Variants in TMPRSS11A observed in about 807,000 individuals in gnomAD.
The protein encoded by TMPRSS11A is transmembrane protease serine 11A.
TMPRSS11A carries 53 observed loss-of-function variants against 58.9 expected under a neutral mutation model. The observed-to-expected ratio is 0.90, with a 90% CI of 0.72 to 1.13. The LOEUF (loss-of-function observed/expected upper bound fraction) is 1.13, where lower values mean the gene tolerates loss of function less well. TMPRSS11A is among the 50% of genes most tolerant of loss of function. The probability of loss-of-function intolerance (pLI) is 0.00; values close to 1 mark genes in which losing one functional copy is unlikely to be tolerated. For missense variants in TMPRSS11A, 493 were observed against 499.3 expected (o/e 0.99, Z 0.12); for synonymous variants, 167 against 169.8 (o/e 0.98, Z 0.13).
chr4:67,917,662 G>A (rs77726713), intron 8 of TMPRSS11A, among the ~76,000 whole-genome samples: 2,888 of 152,216 alleles, frequency 0.019, 87 homozygotes, highest in African/African-American at 0.063. Context: ...CAAGTAGGGT[G>A]GAGTGCTCTA....
At chr4:67,922,988 A>G (rs1308488896) in intron 6 of TMPRSS11A, 62 bp from the exon 7 acceptor site, 1 of 1,553,690 alleles carries the variant, frequency 6.4e-7, no homozygotes, top group Non-Finnish European at 8.8e-7. Flanking sequence ...AAATGACCCC[A>G]TTCTTACTTG....
intron 7 of TMPRSS11A, among the ~76,000 whole-genome samples, chr4:67,922,087 T>C (rs1306459383): frequency 3.3e-5 from 5 of 152,230 alleles, no homozygotes; most frequent in Admixed American, 2.6e-4. Context: ...TTCAGCTTTG[T>C]CTTTTGTGTC....
Position 67,910,051 on chromosome 4 carries a change from T to C in TMPRSS11A, c.*1291A>G, listed in dbSNP as rs942418592. 4 of 152,044 alleles carry C rather than the reference T, an allele frequency of 2.6e-5. No individual in the cohort carries two copies. The highest frequency in any genetic ancestry group is 4.4e-5 in the Non-Finnish European group (3 of 67,934). 9.4% of individuals were successfully genotyped at this position (152,044 alleles called of 1,614,324 possible). On this transcript the variant is annotated 3_prime_UTR_variant, in exon 10 of 10. Coordinates refer to ENST00000508048, the MANE Select transcript of TMPRSS11A (RefSeq NM_001114387.2). ...AAATGACTCCCCAGCCTGCAGACCATAATATTTCACAGGCATTGCCAAGCA... is the reference window on the plus strand; with the variant it reads ...AAATGACTCCCCAGCCTGCAGACCACAATATTTCACAGGCATTGCCAAGCA...
chr4:67,957,986 A>G (rs1260322438), intron 1 of TMPRSS11A, among the ~76,000 whole-genome samples: 1 of 152,208 alleles, frequency 6.6e-6, no homozygotes, highest in Non-Finnish European at 1.5e-5. Context: ...AAGCCTTAGC[A>G]GCTTCCATGT....
intron 5 of TMPRSS11A, among the ~76,000 whole-genome samples, chr4:67,928,235 G>A (rs1720523887): frequency 1.3e-5 from 2 of 152,010 alleles, no homozygotes; most frequent in African/African-American, 2.4e-5. Flanking sequence ...TAGAAGAGAC[G>A]GGGTTTCACC....
chr4:67,932,123 T>C, intron 3 of TMPRSS11A, 63 bp from the exon 4 acceptor site: 1 of 948,530 alleles, frequency 1.1e-6, no homozygotes, highest in South Asian at 1.6e-5. Flanking sequence ...AATATATCCT[T>C]GATTAAATGT....
chr4:67,915,677 G>T (rs1245660230), intron 8 of TMPRSS11A, among the ~76,000 whole-genome samples: 1 of 152,226 alleles, frequency 6.6e-6, no homozygotes, highest in Non-Finnish European at 1.5e-5. Flanking sequence ...TTCCTAAAGA[G>T]TTAAAGCAGC....
intron 7 of TMPRSS11A, among the ~76,000 whole-genome samples, chr4:67,920,849 G>A (rs1423956518): frequency 1.3e-5 from 2 of 152,074 alleles, no homozygotes; most frequent in Non-Finnish European, 2.9e-5. Flanking sequence ...TAAAGAAAAT[G>A]TGGTATACAT....
chr4:67,953,697 C>CTGAGT (rs1270072907), intron 1 of TMPRSS11A, among the ~76,000 whole-genome samples: 1 of 152,030 alleles, frequency 6.6e-6, no homozygotes, highest in African/African-American at 2.4e-5. Flanking sequence ...ACTGGGGAGG[C>CTGAGT]TGAGGCAGGA....
chr4:67,931,627 A>G (rs1720622985), intron 4 of TMPRSS11A, among the ~76,000 whole-genome samples: 1 of 152,220 alleles, frequency 6.6e-6, no homozygotes, highest in Non-Finnish European at 1.5e-5. Context: ...TTGAAATAAT[A>G]TAATTGTCAA....
chr4:67,924,933 T>C (rs1326964001), intron 5 of TMPRSS11A, among the ~76,000 whole-genome samples: 1 of 151,794 alleles, frequency 6.6e-6, no homozygotes, highest in Non-Finnish European at 1.5e-5. Context: ...AGAACAGATC[T>C]GCTTTGATCT....
intron 1 of TMPRSS11A, among the ~76,000 whole-genome samples, chr4:67,953,628 G>A (rs34826646): frequency 0.19 from 28,532 of 151,902 alleles, 2,990 homozygotes; most frequent in Admixed American, 0.32. Context: ...GAGAAACCCC[G>A]TCTCTACTAA....
chr4:67,946,972 G>A (rs6835364), intron 1 of TMPRSS11A, among the ~76,000 whole-genome samples: 144,781 of 152,188 alleles, frequency 0.95, 69,303 homozygotes, highest in East Asian at 1. Flanking sequence ...TTTATCTTTT[G>A]TCTTTTATTT....
chr4:67,944,395 G>T, intron 3 of TMPRSS11A, 124 bp downstream of exon 3: 1 of 1,143,614 alleles, frequency 8.7e-7, no homozygotes, highest in South Asian at 1.5e-5. Context: ...ATGGGGCCTA[G>T]CAATCTGCAA....
At chr4:67,933,054 A>T (rs1470994998) in intron 3 of TMPRSS11A, among the ~76,000 whole-genome samples, 2 of 151,964 alleles carry the variant, frequency 1.3e-5, no homozygotes, top group Non-Finnish European at 2.9e-5. Context: ...TGCGCACAAA[A>T]TATCCTAAAT....
intron 1 of TMPRSS11A, among the ~76,000 whole-genome samples, chr4:67,956,480 A>G (rs1721291977): frequency 6.6e-6 from 1 of 152,198 alleles, no homozygotes. Flanking sequence ...AAACATATCT[A>G]TGAATCTGTT....
In TMPRSS11A at chr4:67,960,291, A is replaced by G. The variant is rs531011263; in HGVS notation, c.11+3092T>C. ...CACTATAGCGAAAATAAATGTTGAAATTTAAAAAAATTAAATTAAAAAACA... is the reference window on the plus strand; with the variant it reads ...CACTATAGCGAAAATAAATGTTGAAGTTTAAAAAAATTAAATTAAAAAACA... On this transcript the variant is annotated intron_variant, in intron 1 of 9. Coordinates refer to ENST00000508048, the MANE Select transcript of TMPRSS11A (RefSeq NM_001114387.2). Among the ~76,000 whole-genome samples the G allele has an allele frequency of 9.8e-5, 15 of 152,338 alleles. 1 individual carries two copies. The highest frequency in any genetic ancestry group is 3.6e-4 in the African/African-American group (15 of 41,576).
chr4:67,936,714 G>T (rs529414239), intron 3 of TMPRSS11A, among the ~76,000 whole-genome samples: 1 of 152,128 alleles, frequency 6.6e-6, no homozygotes, highest in African/African-American at 2.4e-5. Context: ...CACTACTCAC[G>T]TGTAACAAGT....
chr4:67,955,281 CTTA>C (rs1432882119), intron 1 of TMPRSS11A, among the ~76,000 whole-genome samples: 1 of 152,150 alleles, frequency 6.6e-6, no homozygotes, highest in Non-Finnish European at 1.5e-5. Context: ...CAAAGTAAAA[CTTA>C]TTATAAAATG....
Sources: gnomAD v4.1 joint callset for allele counts (sites outside exome capture counted in the v4.1 genomes callset) on GRCh38, gnomAD v4.1.1 for gene constraint, MANE v1.5 for transcripts, NCBI Gene and HGNC (gene_info 2026-07-23, HGNC 2026-07-21) for gene names.